VPS33B: variants seen among roughly 807,000 people sequenced by gnomAD.
VPS33B encodes the protein vacuolar protein sorting-associated protein 33B.
A neutral mutation model predicts 95.3 loss-of-function variants in VPS33B; 80 were observed. The observed-to-expected ratio is 0.84, with a 90% confidence interval of 0.70 to 1.01. The LOEUF is 1.01. Among genes scored for constraint, VPS33B ranks in the 50% least tolerant of loss-of-function variants. The pLI, the probability that VPS33B is intolerant of heterozygous loss-of-function variation, is 0.00. For missense variants in VPS33B, 715 were observed against 773.4 expected (o/e 0.92, Z 0.90); for synonymous variants, 280 against 280.4 (o/e 1.00, Z 0.01).
At position 91,005,453 on chromosome 15, in the gene VPS33B, AT is replaced by A. The variant is rs1352064805; in HGVS notation, c.1031del (p.His344LeufsTer9). 1.9e-6 allele frequency: 3 copies of A among 1,613,916 alleles called. No homozygotes were observed. The highest frequency in any genetic ancestry group is 2.7e-5 in the African/African-American group (2 of 74,890). On this transcript the variant is annotated frameshift_variant and splice_region_variant, in exon 14 of 23. Coordinates refer to ENST00000333371, the MANE Select transcript of VPS33B (RefSeq NM_018668.5). LOFTEE classifies it high-confidence loss of function. This position sits in a 1 kb window ranked among gnomAD's most constrained non-coding sequence, Gnocchi z 6.4. ...LKQEHRLLSL[H>X]IGACESIMKK... ...TCATGATGGATTCACAGGCCCCAAT[AT>A]CTGCAGGTTGGACAAAGGGAGCTGA...
chr15:91,006,184 G>T lies in VPS33B; in HGVS notation c.853-125C>A. 7.4e-7 allele frequency: 1 copy of T among 1,344,132 alleles called. No individual in the cohort carries two copies. The highest frequency in any genetic ancestry group is 1.2e-5 in the South Asian group (1 of 83,158). 83.3% of individuals were successfully genotyped at this position (1,344,132 alleles called of 1,614,324 possible). On this transcript the variant is annotated intron_variant, in intron 11 of 22. Transcript: ENST00000333371. This position sits in a 1 kb window ranked among gnomAD's most constrained non-coding sequence, Gnocchi z 5.4. ...TACAAAGAAAGCTGAGCTGGGATCT[G>T]TAAGTCCATATCAAATGCCTACACC...
Position 90,999,791 on chromosome 15 carries a change from T to C in VPS33B, c.1660A>G (p.Met554Val), listed in dbSNP as rs759237423. Residue 554 changes from methionine (M) to valine (V), a missense_variant and splice_region_variant, in exon 22 of 23, where the codon ATG becomes GTG. Coordinates refer to ENST00000333371, the MANE Select transcript of VPS33B (RefSeq NM_018668.5). This position sits in a 1 kb window ranked among gnomAD's most constrained non-coding sequence, Gnocchi z 5.1. ...CTGGAAGCCTTGTCTTCCTTAGTCATATCTGTGAGGATCAGACCAGATTCA... is the reference window on the plus strand; with the variant it reads ...CTGGAAGCCTTGTCTTCCTTAGTCACATCTGTGAGGATCAGACCAGATTCA... ...LNCSDFAFTD[M>V]TKEDKASSES... The C allele has an allele frequency of 3.1e-6, 5 of 1,614,028 alleles. No individual in the cohort carries two copies. In the African/African-American group the frequency reaches 4.0e-5, roughly 13 times the overall value.
rs2040474668 is a variant in VPS33B at position 91,002,647 on chromosome 15, AAAAAG to A, written c.1272+433_1272+437del. ...ATCGTCTCGAAATAAAAAAAAAAAA[AAAAAG>A]AAAAGAAATAATTAGCACCAAACAA... is the stretch of plus-strand genomic sequence containing the variant. On this transcript the variant is annotated intron_variant, in intron 17 of 22. Transcript: ENST00000333371. This position sits in a 1 kb window ranked among gnomAD's most constrained non-coding sequence, Gnocchi z 4.7. Among the ~76,000 whole-genome samples the A allele has an allele frequency of 1.3e-5, 2 of 151,644 alleles. No homozygotes were observed. Among genetic ancestry groups the A allele is most frequent in the African/African-American group, 4.9e-5 (2 of 41,190 alleles).
Position 91,000,038 on chromosome 15 carries a change from C to T in VPS33B, c.1582-63G>A. 1 of 1,593,210 alleles carries T rather than the reference C, an allele frequency of 6.3e-7. No individual in the cohort carries two copies. ...AGTATCAGGCTTAGGAAAGGAAGGGCACAGCAGCCAGACTGTCACATTTCT... is the reference window on the plus strand; with the variant it reads ...AGTATCAGGCTTAGGAAAGGAAGGGTACAGCAGCCAGACTGTCACATTTCT... On this transcript the variant is annotated intron_variant, in intron 20 of 22. Coordinates refer to ENST00000333371, the MANE Select transcript of VPS33B (RefSeq NM_018668.5). This position sits in a 1 kb window ranked among gnomAD's most constrained non-coding sequence, Gnocchi z 4.9.
rs28472341 is a variant in VPS33B at position 91,009,313 on chromosome 15, C to T, written c.403+488G>A. 2.6e-5 allele frequency among the ~76,000 whole-genome samples: 3 copies of T among 117,066 alleles called. No individual in the cohort carries two copies. Among genetic ancestry groups the T allele is most frequent in the African/African-American group, 1.2e-4 (3 of 24,740 alleles). 76.8% of individuals were successfully genotyped at this position (117,066 alleles called of 152,430 possible). ...TTCTTTCTCTCTCTCTTTCTTTCTT[C>T]CTTCCTTCCTTTCTCTGAGTCTCAC... is the stretch of plus-strand genomic sequence containing the variant. On this transcript the variant is annotated intron_variant, in intron 6 of 22. Coordinates refer to ENST00000333371, the MANE Select transcript of VPS33B (RefSeq NM_018668.5). The surrounding 1 kb of genome is among the most constrained non-coding windows in gnomAD (Gnocchi z 4.1).
intron 2 of VPS33B, 95 bp downstream of exon 2, chr15:91,017,710 C>G: frequency 3.4e-6 from 4 of 1,169,336 alleles, no homozygotes; most frequent in Non-Finnish European, 5.1e-6. Context: ...CTATATTTGC[C>G]CTACAAGAGT....
rs7179329 is a variant in VPS33B at position 91,017,630 on chromosome 15, G to C, written c.177+175C>G. ...GCAACAGAGAGAGACTCCGTCTCCCGCCGCAAAAAAACACAAAACAAAAAA... is the reference window on the plus strand; with the variant it reads ...GCAACAGAGAGAGACTCCGTCTCCCCCCGCAAAAAAACACAAAACAAAAAA... On this transcript the variant is annotated intron_variant, in intron 2 of 22. Coordinates refer to ENST00000333371, the MANE Select transcript of VPS33B (RefSeq NM_018668.5). Among the ~76,000 whole-genome samples, 20,826 of 150,514 alleles carry C rather than the reference G, an allele frequency of 0.14. 1,830 individuals carry two copies. The highest frequency in any genetic ancestry group is 0.25 in the African/African-American group (10,062 of 40,854).
rs200659733 is a variant in VPS33B, at chr15:91,001,740, TACTA to T, written c.1406-282_1406-279del. Among the ~76,000 whole-genome samples, 1,056 of 152,278 alleles carry T rather than the reference TACTA, an allele frequency of 6.9e-3. 10 individuals carry two copies. Among genetic ancestry groups the T allele is most frequent in the African/African-American group, 0.023 (965 of 41,554 alleles). ...CTTTGGGAGTTAAACCGACCTAACT[TACTA>T]ACTAAGGGACCTTGGACAAATCACT... On this transcript the variant is annotated intron_variant, in intron 18 of 22. Coordinates refer to ENST00000333371, the MANE Select transcript of VPS33B (RefSeq NM_018668.5).
rs1450600846 is a variant in VPS33B, at chr15:91,007,272, G to A, written c.603+197C>T. Among the ~76,000 whole-genome samples the A allele has an allele frequency of 1.3e-5, 2 of 152,224 alleles. No homozygotes were observed. On this transcript the variant is annotated intron_variant, in intron 8 of 22. Coordinates refer to ENST00000333371, the MANE Select transcript of VPS33B (RefSeq NM_018668.5). The surrounding 1 kb of genome is among the most constrained non-coding windows in gnomAD (Gnocchi z 5.3). Reference sequence around the variant, plus strand: ...TGTCCCCAAAATAAAAAGAGATTTAGGAATGCTACCCAGGAGATCCTGGCT... The same window carrying A: ...TGTCCCCAAAATAAAAAGAGATTTAAGAATGCTACCCAGGAGATCCTGGCT...
chr15:91,009,573 T>G lies in VPS33B; in HGVS notation c.403+228A>C, dbSNP rs2040720962. ...CCACCCCCTCGGCCTCCCAAAGTGC[T>G]GGGATTACAGGCATGAGCCACTGCG... is the stretch of plus-strand genomic sequence containing the variant. On this transcript the variant is annotated intron_variant, in intron 6 of 22. Transcript: ENST00000333371. The surrounding 1 kb of genome is among the most constrained non-coding windows in gnomAD (Gnocchi z 4.1). 6.6e-6 allele frequency among the ~76,000 whole-genome samples: 1 copy of G among 152,130 alleles called. No individual in the cohort carries two copies. The highest frequency in any genetic ancestry group is 1.9e-4 in the East Asian group (1 of 5,190).
Position 91,009,283 on chromosome 15 carries a change from T to C in VPS33B, c.403+518A>G, listed in dbSNP as rs889403625. 1.5e-5 allele frequency among the ~76,000 whole-genome samples: 2 copies of C among 137,258 alleles called. No homozygotes were observed. The highest frequency in any genetic ancestry group is 3.0e-5 in the Non-Finnish European group (2 of 66,776). 90.0% of individuals were successfully genotyped at this position (137,258 alleles called of 152,430 possible). A position where few individuals can be genotyped will look rare whatever the true frequency, so the allele number is the denominator to read the frequency against. On this transcript the variant is annotated intron_variant, in intron 6 of 22. Coordinates refer to ENST00000333371, the MANE Select transcript of VPS33B (RefSeq NM_018668.5). This position sits in a 1 kb window ranked among gnomAD's most constrained non-coding sequence, Gnocchi z 4.1. ...CCTCTCTCTCTTTCTCTCTTTTCTTTTATTTTCTTTCTCTCTCTCTTTCTT... is the reference window on the plus strand; with the variant it reads ...CCTCTCTCTCTTTCTCTCTTTTCTTCTATTTTCTTTCTCTCTCTCTTTCTT...
At chr15:91,019,564 G>C (rs1287671731) in intron 1 of VPS33B, among the ~76,000 whole-genome samples, 1 of 152,194 alleles carries the variant, frequency 6.6e-6, no homozygotes, top group Non-Finnish European at 1.5e-5. Context: ...TGCCAGCTTA[G>C]GGGAGTGTGG....
At position 91,001,286 on chromosome 15, in the gene VPS33B, G is replaced by T. The variant is rs189557473; in HGVS notation, c.1479+103C>A. On this transcript the variant is annotated intron_variant, in intron 19 of 22. Coordinates refer to ENST00000333371, the MANE Select transcript of VPS33B (RefSeq NM_018668.5). ...GATTGTGCCACTGCACTCCAGCCTGGGCAACAGAGCAAGATTCCATCTCAA... is the reference window on the plus strand; with the variant it reads ...GATTGTGCCACTGCACTCCAGCCTGTGCAACAGAGCAAGATTCCATCTCAA... 569 of 894,176 alleles carry T rather than the reference G, an allele frequency of 6.4e-4. 5 individuals carry two copies. In the Admixed American group the frequency reaches 0.011, roughly 17 times the overall value. 55.4% of individuals were successfully genotyped at this position (894,176 alleles called of 1,614,324 possible).
In VPS33B at chr15:91,007,413, G is replaced by A. The variant is rs2040642884; in HGVS notation, c.603+56C>T. The A allele has an allele frequency of 6.5e-7, 1 of 1,539,382 alleles. No homozygotes were observed. Among genetic ancestry groups the A allele is most frequent in the Non-Finnish European group, 9.0e-7 (1 of 1,112,114 alleles). On this transcript the variant is annotated intron_variant, in intron 8 of 22. Coordinates refer to ENST00000333371, the MANE Select transcript of VPS33B (RefSeq NM_018668.5). This position sits in a 1 kb window ranked among gnomAD's most constrained non-coding sequence, Gnocchi z 5.3. ...GGTGCCCTTGGATAACCCCAGGAGGGTACAGAACAGGGAAAACAGCGTCTG... is the reference window on the plus strand; with the variant it reads ...GGTGCCCTTGGATAACCCCAGGAGGATACAGAACAGGGAAAACAGCGTCTG...
rs2040731156 is a variant in VPS33B, at chr15:91,009,808, G to A, written c.396C>T (p.Ile132=). 2 of 1,614,022 alleles carry A rather than the reference G, an allele frequency of 1.2e-6. No homozygotes were observed. The highest frequency in any genetic ancestry group is 1.7e-6 in the Non-Finnish European group (2 of 1,180,026). The change falls in exon 6 of 23, where the codon ATC becomes ATT. Residue 132 remains isoleucine (I), a synonymous_variant. Transcript: ENST00000333371. This position sits in a 1 kb window ranked among gnomAD's most constrained non-coding sequence, Gnocchi z 4.1. ...ACEMVLEEEG[I]YGDVSCDEWA... is the part of the protein sequence containing the mutation. ...ACATTCATCTCCTCTCACCTCCATA[G>A]ATTCCCTCTTCCTCAAGCACCATCT...
chr15:91,019,109 G>C (rs2041029386), intron 1 of VPS33B, among the ~76,000 whole-genome samples: 1 of 136,000 alleles, frequency 7.4e-6, no homozygotes, highest in Non-Finnish European at 1.5e-5. Context: ...CACTGCTCCT[G>C]GCCTGTTTTT....
chr15:91,011,135 G>A lies in VPS33B; in HGVS notation c.358-1289C>T, dbSNP rs911292262. 2.0e-5 allele frequency among the ~76,000 whole-genome samples: 3 copies of A among 152,234 alleles called. No individual in the cohort carries two copies. The highest frequency in any genetic ancestry group is 2.9e-5 in the Non-Finnish European group (2 of 68,042). On this transcript the variant is annotated intron_variant, in intron 5 of 22. Coordinates refer to ENST00000333371, the MANE Select transcript of VPS33B (RefSeq NM_018668.5). This position sits in a 1 kb window ranked among gnomAD's most constrained non-coding sequence, Gnocchi z 5.5. ...AACTGGCATGGAACAGCTCATCTTA[G>A]GAGGGAAAAGGCCACGATCTCTTCC...
rs748781925 is a variant in VPS33B at position 91,013,774 on chromosome 15, T to G, written c.357+30A>C. The G allele has an allele frequency of 5.6e-6, 9 of 1,613,748 alleles. No individual in the cohort carries two copies. The East Asian group carries it at 2.0e-4, about 36-fold the overall frequency. ...CCCGGTCCTCAGTCCTGTTCTACCT[T>G]ATCCCACTTCCTCCAGGATCCAAAC... On this transcript the variant is annotated intron_variant, in intron 5 of 22. Coordinates refer to ENST00000333371, the MANE Select transcript of VPS33B (RefSeq NM_018668.5). The surrounding 1 kb of genome is among the most constrained non-coding windows in gnomAD (Gnocchi z 4.5).
At position 91,017,820 on chromosome 15, in the gene VPS33B, A is replaced by G. The variant is rs769227036; in HGVS notation, c.162T>C (p.Asn54=). 30 of 1,614,074 alleles carry G rather than the reference A, an allele frequency of 1.9e-5. No homozygotes were observed. The highest frequency in any genetic ancestry group is 1.6e-4 in the Middle Eastern group (1 of 6,084). ...GGGACAGTACCTTCAGGATGGAGAC[A>G]TTGGCAATTCGATCCAAAGGGCTCA... ...DLMSPLDRIA[N]VSILKQHEVD... Residue 54 remains asparagine (N), a synonymous_variant, in exon 2 of 23, where the codon AAT becomes AAC. Transcript: ENST00000333371.
Sources: gnomAD v4.1 joint callset for allele counts (sites outside exome capture counted in the v4.1 genomes callset) on GRCh38, gnomAD v4.1.1 for gene constraint, Gnocchi (gnomAD v3.1) non-coding constraint, MANE v1.5 for transcripts, NCBI Gene and HGNC (gene_info 2026-07-23, HGNC 2026-07-21) for gene names.